Variants in RANBP2 observed in about 807,000 individuals in gnomAD.
RANBP2 encodes E3 SUMO-protein ligase RanBP2.
A neutral mutation model predicts 303.6 loss-of-function variants in RANBP2; 57 were observed. The observed-to-expected ratio is 0.19, with a 90% confidence interval of 0.15 to 0.23. The LOEUF (loss-of-function observed/expected upper bound fraction) is 0.23. RANBP2 is among the 10% of genes least tolerant of loss of function. The pLI, the probability that RANBP2 is intolerant of heterozygous loss-of-function variation, is 1.00. For synonymous variants in RANBP2, 1,167 were observed against 1,301.5 expected (o/e 0.90, Z 2.23); for missense variants, 3,138 against 3,780.8 (o/e 0.83, Z 4.46).
the RANBP2 span, among the ~76,000 whole-genome samples, chr2:108,804,060 A>G: frequency 1.3e-5 from 2 of 152,000 alleles, no homozygotes; most frequent in Non-Finnish European, 2.9e-5. Flanking sequence ...TGATCTCTCC[A>G]TTTTTGTCTT....
the RANBP2 span, among the ~76,000 whole-genome samples, chr2:108,969,596 CTTTA>C: frequency 2.0e-5 from 3 of 152,140 alleles, no homozygotes; most frequent in Non-Finnish European, 4.4e-5. Flanking sequence ...TTTTTATTCC[CTTTA>C]TTTCTCAAAC....
chr2:109,725,239 G>A, the RANBP2 span, among the ~76,000 whole-genome samples: 13 of 152,314 alleles, frequency 8.5e-5, no homozygotes, highest in East Asian at 2.3e-3. Context: ...TGCAGGAGGA[G>A]GTCCTCCCAC....
the RANBP2 span, among the ~76,000 whole-genome samples, chr2:109,674,342 G>A: frequency 2.1e-5 from 3 of 145,074 alleles, no homozygotes; most frequent in Non-Finnish European, 4.5e-5. Flanking sequence ...GGGAGGGTGA[G>A]GCATGAAGAT....
chr2:109,626,020 A>G, the RANBP2 span, among the ~76,000 whole-genome samples: 1 of 152,242 alleles, frequency 6.6e-6, no homozygotes, highest in East Asian at 1.9e-4. Flanking sequence ...GCTAGGGTAT[A>G]TATTTGTCTA....
chr2:109,259,650 C>G, the RANBP2 span, among the ~76,000 whole-genome samples: 1 of 152,250 alleles, frequency 6.6e-6, no homozygotes, highest in East Asian at 1.9e-4. Flanking sequence ...CCTGATGTAA[C>G]TTGAATTGTG....
At chr2:109,122,021 T>C in the RANBP2 span, among the ~76,000 whole-genome samples, 1 of 152,106 alleles carries the variant, frequency 6.6e-6, no homozygotes, top group South Asian at 2.1e-4. Context: ...CAAGCTTGAG[T>C]CTGCTACTCA....
In RANBP2 at chr2:108,720,753, A is replaced by G. The variant is rs184634327; in HGVS notation, c.72+1075A>G. ...CAAGTCACTTTTTATTGTTGATGTTAAAAGGATATTGGCGGGGCGCAGTGG... is the reference window on the plus strand; with the variant it reads ...CAAGTCACTTTTTATTGTTGATGTTGAAAGGATATTGGCGGGGCGCAGTGG... On this transcript the variant is annotated intron_variant, in intron 1 of 28. Transcript: ENST00000283195. Among the ~76,000 whole-genome samples the G allele has an allele frequency of 3.9e-5, 6 of 152,354 alleles. No homozygotes were observed. The East Asian group carries it at 7.7e-4, about 20-fold the overall frequency.
At chr2:109,648,885 C>T in the RANBP2 span, among the ~76,000 whole-genome samples, 6 of 152,012 alleles carry the variant, frequency 3.9e-5, no homozygotes, top group Admixed American at 3.9e-4. Flanking sequence ...AACTCCAGAC[C>T]TTGTGATCCA....
chr2:109,225,443 A>G, the RANBP2 span, among the ~76,000 whole-genome samples: 2 of 151,748 alleles, frequency 1.3e-5, no homozygotes, highest in African/African-American at 2.4e-5. Context: ...CACACAAACA[A>G]CTCCCTTTAA....
chr2:108,930,263 T>G, the RANBP2 span: 2 of 1,613,870 alleles, frequency 1.2e-6, no homozygotes. Flanking sequence ...AGGGGGGTGT[T>G]GTGGCCTCCG....
chr2:108,818,838 T>C, the RANBP2 span, among the ~76,000 whole-genome samples: 1 of 152,076 alleles, frequency 6.6e-6, no homozygotes, highest in Non-Finnish European at 1.5e-5. Flanking sequence ...TTTTTGTATA[T>C]TTGATCACAG....
the RANBP2 span, among the ~76,000 whole-genome samples, chr2:109,720,367 T>G: frequency 2.6e-5 from 4 of 151,976 alleles, no homozygotes; most frequent in Non-Finnish European, 5.9e-5. Context: ...TTGCAACCTA[T>G]CAGTGGTTCT....
the RANBP2 span, among the ~76,000 whole-genome samples, chr2:109,524,188 C>A: frequency 4.9e-4 from 74 of 152,292 alleles, no homozygotes; most frequent in African/African-American, 1.6e-3. Flanking sequence ...AATAAAAACT[C>A]AGGCTCAGGG....
At chr2:108,800,608 CTTTTTTT>C in the RANBP2 span, among the ~76,000 whole-genome samples, 57 of 33,486 alleles carry the variant, frequency 1.7e-3, no homozygotes, top group African/African-American at 7.1e-3. Flanking sequence ...CTCAGTTTAG[CTTTTTTT>C]TTTTTTTTTT....
chr2:109,385,552 C>T, the RANBP2 span, among the ~76,000 whole-genome samples: 1 of 152,262 alleles, frequency 6.6e-6, no homozygotes, highest in Non-Finnish European at 1.5e-5. Flanking sequence ...GAATGAGTTT[C>T]CTTGAACTGT....
At chr2:109,569,857 A>G in the RANBP2 span, among the ~76,000 whole-genome samples, 31 of 152,280 alleles carry the variant, frequency 2.0e-4, no homozygotes, top group East Asian at 5.8e-3. Flanking sequence ...GTAAGAGAAG[A>G]TAACTTTCCA....
chr2:108,825,062 A>C, the RANBP2 span, among the ~76,000 whole-genome samples: 1 of 152,210 alleles, frequency 6.6e-6, no homozygotes, highest in Non-Finnish European at 1.5e-5. Flanking sequence ...CCTGCCAGAA[A>C]ACAAGTTACA....
the RANBP2 span, among the ~76,000 whole-genome samples, chr2:109,292,084 C>T: frequency 1.3e-5 from 2 of 152,300 alleles, no homozygotes; most frequent in South Asian, 2.1e-4. Flanking sequence ...AGGATGGTCT[C>T]GATCTCCTGA....
At chr2:109,561,438 C>T in the RANBP2 span, among the ~76,000 whole-genome samples, 9 of 152,064 alleles carry the variant, frequency 5.9e-5, no homozygotes, top group Admixed American at 5.9e-4. Context: ...AATTTTTGAA[C>T]TCCCCTACAA....
Sources: gnomAD v4.1 joint callset for allele counts (sites outside exome capture counted in the v4.1 genomes callset) on GRCh38, gnomAD v4.1.1 for gene constraint, MANE v1.5 for transcripts, NCBI Gene and HGNC (gene_info 2026-07-23, HGNC 2026-07-21) for gene names.